Variants in SRPK1 observed in about 807,000 individuals in gnomAD.
SRPK1 encodes the protein SRSF protein kinase 1.
In SRPK1, 52 loss-of-function variants were observed where a neutral mutation model predicts 89.5. That is an observed-to-expected ratio of 0.58 (90% CI 0.46 to 0.73). SRPK1 has a LOEUF of 0.73. SRPK1 is among the 30% of genes least tolerant of loss of function. SRPK1 has a pLI of 0.00. For missense variants in SRPK1, 603 were observed against 780.6 expected, an observed-to-expected ratio of 0.77 and a Z score of 2.71; for synonymous variants, 255 against 270.2, an observed-to-expected ratio of 0.94 and a Z score of 0.55.
chr6:35,844,384 A>G (rs759061513), intron 13 of SRPK1, among the ~76,000 whole-genome samples: 2 of 152,162 alleles, frequency 1.3e-5, no homozygotes, highest in Non-Finnish European at 2.9e-5. Context: ...ATTTTGATTA[A>G]ATCAATGGTA....
chr6:35,915,595 T>C (rs1771072246), intron 2 of SRPK1, among the ~76,000 whole-genome samples: 1 of 152,090 alleles, frequency 6.6e-6, no homozygotes, highest in East Asian at 1.9e-4. Context: ...AAACAGCCCA[T>C]AGTGGAATAT....
intron 12 of SRPK1, among the ~76,000 whole-genome samples, chr6:35,858,057 T>C (rs1364398059): frequency 6.6e-6 from 1 of 152,238 alleles, no homozygotes; most frequent in Non-Finnish European, 1.5e-5. Flanking sequence ...GTTTCCTGTA[T>C]ATGACTCATA....
intron 12 of SRPK1, among the ~76,000 whole-genome samples, chr6:35,868,405 G>A (rs757808273): frequency 4.6e-5 from 7 of 152,104 alleles, no homozygotes; most frequent in Non-Finnish European, 1.0e-4. Flanking sequence ...ACATCATAAA[G>A]CCCTTTTAAA....
chr6:35,836,768 A>ATAATAC (rs1186453251), intron 15 of SRPK1, among the ~76,000 whole-genome samples: 1 of 149,544 alleles, frequency 6.7e-6, no homozygotes, highest in Non-Finnish European at 1.5e-5. Flanking sequence ...AATAATAATA[A>ATAATAC]TAATAATAAT....
intron 13 of SRPK1, among the ~76,000 whole-genome samples, chr6:35,853,285 A>G (rs1236942009): frequency 6.6e-6 from 1 of 152,116 alleles, no homozygotes; most frequent in East Asian, 1.9e-4. Context: ...AAACAAAATG[A>G]AACAACAACA....
intron 2 of SRPK1, among the ~76,000 whole-genome samples, chr6:35,905,938 C>T (rs1309823290): frequency 6.6e-6 from 1 of 151,996 alleles, no homozygotes; most frequent in Non-Finnish European, 1.5e-5. Context: ...AGCATAGAAA[C>T]AATGACTAAC....
intron 2 of SRPK1, among the ~76,000 whole-genome samples, chr6:35,915,680 AG>A (rs1437252586): frequency 3.9e-5 from 6 of 152,016 alleles, no homozygotes; most frequent in Non-Finnish European, 7.4e-5. Context: ...TTGTCTTTAA[AG>A]GTATATACAG....
intron 2 of SRPK1, among the ~76,000 whole-genome samples, chr6:35,914,638 T>C (rs912591186): frequency 6.6e-5 from 10 of 152,288 alleles, no homozygotes; most frequent in Admixed American, 3.3e-4. Context: ...CTTATTTATG[T>C]CTATTGTTTA....
Position 35,869,565 on chromosome 6 carries a change from C to T in SRPK1, c.1328G>A (p.Ser443Asn). The change falls in exon 11 of 16, where the codon AGC becomes AAC. Residue 443 changes from serine (S) to asparagine (N), a missense_variant. Transcript: ENST00000373825. ...TGCCCGAATGCTTTCTTGAAGTTGG[C>T]TAATGTGTTGTTCACTGAATGACTG... is the stretch of plus-strand genomic sequence containing the variant. ...VGQSFSEQHI[S>N]QLQESIRAEI... 2 of 1,613,908 alleles carry T rather than the reference C, an allele frequency of 1.2e-6. No homozygotes were observed. The highest frequency in any genetic ancestry group is 3.3e-5 in the Admixed American group (2 of 60,012).
chr6:35,871,481 A>G (rs542094218), intron 8 of SRPK1, among the ~76,000 whole-genome samples: 3 of 152,348 alleles, frequency 2.0e-5, no homozygotes, highest in South Asian at 4.2e-4. Context: ...TATACTCTAG[A>G]TAAGTGTACA....
At chr6:35,908,252 G>A (rs539360495) in intron 2 of SRPK1, among the ~76,000 whole-genome samples, 1 of 152,208 alleles carries the variant, frequency 6.6e-6, no homozygotes, top group Non-Finnish European at 1.5e-5. Flanking sequence ...ACAGTTTGGA[G>A]GAGGGCTCAG....
At chr6:35,873,712 G>C (rs1007742002) in intron 7 of SRPK1, among the ~76,000 whole-genome samples, 1 of 151,848 alleles carries the variant, frequency 6.6e-6, no homozygotes, top group African/African-American at 2.4e-5. Context: ...CTGGTCTCGA[G>C]CTCCTGACCT....
Position 35,889,292 on chromosome 6 carries a change from TTC to T in SRPK1, c.194-371_194-370del, listed in dbSNP as rs527316836. ...AGGTGTTTTTTAGGAGACAGAATAATTCTGTTTATTTAGCAAAAAAAAAAAAG... is the reference window on the plus strand; with the variant it reads ...AGGTGTTTTTTAGGAGACAGAATAATTGTTTATTTAGCAAAAAAAAAAAAG... On this transcript the variant is annotated intron_variant, in intron 3 of 15. Transcript: ENST00000373825. Among the ~76,000 whole-genome samples the T allele has an allele frequency of 1.4e-3, 220 of 151,998 alleles. 3 individuals are homozygous for T. Among genetic ancestry groups the T allele is most frequent in the African/African-American group, 4.9e-3 (203 of 41,498 alleles).
intron 1 of SRPK1, 72 bp from the exon 2 acceptor site, chr6:35,920,600 A>C (rs868616439): frequency 1.4e-6 from 2 of 1,417,892 alleles, no homozygotes; most frequent in Middle Eastern, 5.2e-4. Context: ...GTGGAGACCC[A>C]GCAGGGGCGC....
intron 2 of SRPK1, among the ~76,000 whole-genome samples, chr6:35,898,162 G>A (rs551344934): frequency 3.9e-5 from 6 of 151,982 alleles, no homozygotes; most frequent in African/African-American, 9.7e-5. Flanking sequence ...GAAAAATGTC[G>A]CATCTATACA....
chr6:35,835,647 ATGCCTCAGAAAGAAG>A (rs1259103072), intron 15 of SRPK1, among the ~76,000 whole-genome samples, 159 bp from the exon 16 acceptor site: 1 of 152,216 alleles, frequency 6.6e-6, no homozygotes. Flanking sequence ...TTTCTGACAT[ATGCCTCAGAAAGAAG>A]TGCCTCTATT....
intron 2 of SRPK1, among the ~76,000 whole-genome samples, chr6:35,919,634 T>G (rs1489040538): frequency 6.6e-6 from 1 of 152,248 alleles, no homozygotes; most frequent in Non-Finnish European, 1.5e-5. Flanking sequence ...TTCTTAAGGC[T>G]TAGCCTCACT....
chr6:35,869,244 A>G (rs998945829), intron 11 of SRPK1, 134 bp from the exon 12 acceptor site: 14 of 907,078 alleles, frequency 1.5e-5, no homozygotes, highest in Non-Finnish European at 2.3e-5. Context: ...TGAGACAAAA[A>G]GAGCACAGCA....
chr6:35,842,495 T>TA (rs753672680), intron 14 of SRPK1, 40 bp downstream of exon 14: 2 of 1,516,852 alleles, frequency 1.3e-6, no homozygotes, highest in Non-Finnish European at 1.8e-6. Context: ...GTGGAAAGTG[T>TA]AAATACCACG....
Sources: gnomAD v4.1 joint callset for allele counts (sites outside exome capture counted in the v4.1 genomes callset) on GRCh38, gnomAD v4.1.1 for gene constraint, MANE v1.5 for transcripts, NCBI Gene and HGNC (gene_info 2026-07-23, HGNC 2026-07-21) for gene names.